FANCC: variants seen among roughly 807,000 people sequenced by gnomAD.
FANCC encodes FA complementation group C, also known as Fanconi anemia group C protein.
Under a neutral mutation model 71.3 loss-of-function variants are expected in FANCC, and 55 were observed. The observed-to-expected ratio is 0.77, with a 90% CI of 0.62 to 0.97. FANCC has a LOEUF of 0.97. Ranked by LOEUF, FANCC falls within the 50% of genes least tolerant of loss-of-function variation. FANCC has a pLI of 0.00. For missense variants in FANCC, 678 were observed against 670.9 expected, an observed-to-expected ratio of 1.01 and a Z score of -0.12; for synonymous variants, 275 against 244.9, an observed-to-expected ratio of 1.12 and a Z score of -1.15.
intron 3 of FANCC, among the ~76,000 whole-genome samples, chr9:95,246,636 A>C (rs1244411300): frequency 2.0e-5 from 3 of 152,222 alleles, no homozygotes; most frequent in Non-Finnish European, 4.4e-5. Context: ...CTGTCTTCCC[A>C]GGGCATCAGA....
rs557096594 is a variant in FANCC, at chr9:95,281,988, GA to G, written c.-78-32620del. On this transcript the variant is annotated intron_variant, in intron 1 of 14. Coordinates refer to ENST00000289081, the MANE Select transcript of FANCC (RefSeq NM_000136.3). Reference sequence around the variant, plus strand: ...ACTTAACCTCAAAGGAAGAAAGAAAGAAAAAAAGAATCTACAAAACTAGAAA... The same window carrying G: ...ACTTAACCTCAAAGGAAGAAAGAAAGAAAAAAGAATCTACAAAACTAGAAA... 6.8e-3 allele frequency among the ~76,000 whole-genome samples: 1,031 copies of G among 150,748 alleles called. 14 individuals carry two copies. The highest frequency in any genetic ancestry group is 0.022 in the African/African-American group (897 of 41,156).
intron 4 of FANCC, among the ~76,000 whole-genome samples, chr9:95,175,465 T>C (rs1825954448): frequency 2.0e-5 from 3 of 152,174 alleles, no homozygotes; most frequent in African/African-American, 2.4e-5. Flanking sequence ...TATTGTTTTT[T>C]CCCTCTTTCA....
intron 1 of FANCC, among the ~76,000 whole-genome samples, chr9:95,253,033 C>A (rs920670839): frequency 2.0e-5 from 3 of 152,092 alleles, no homozygotes; most frequent in Admixed American, 1.3e-4. Context: ...ACTCCACACT[C>A]CAGCCTGTGT....
chr9:95,188,198 C>A (rs1826852202), intron 4 of FANCC, among the ~76,000 whole-genome samples: 1 of 152,128 alleles, frequency 6.6e-6, no homozygotes, highest in Non-Finnish European at 1.5e-5. Flanking sequence ...TTATCACTGC[C>A]AATACTAAAC....
chr9:95,253,231 G>A lies in FANCC; in HGVS notation c.-78-3862C>T, dbSNP rs138238943. ...ATGGTGCTGTAGTTGTGATGACCAG[G>A]GAGTGTGGGTGATGGCTGCTGCCAG... On this transcript the variant is annotated intron_variant, in intron 1 of 14. Transcript: ENST00000289081. Among the ~76,000 whole-genome samples the A allele has an allele frequency of 7.6e-4, 115 of 152,248 alleles. 2 individuals carry two copies. The highest frequency in any genetic ancestry group is 2.7e-3 in the African/African-American group (111 of 41,544).
chr9:95,242,942 A>T (rs1214811388), intron 3 of FANCC, among the ~76,000 whole-genome samples: 2 of 152,244 alleles, frequency 1.3e-5, no homozygotes, highest in African/African-American at 2.4e-5. Flanking sequence ...CTGCAGGGAC[A>T]GTCACTGACA....
chr9:95,122,779 G>A (rs1005070528), intron 10 of FANCC, among the ~76,000 whole-genome samples: 8 of 152,194 alleles, frequency 5.3e-5, no homozygotes, highest in African/African-American at 1.9e-4. Context: ...TGTGCTCCGC[G>A]AGGCCACAGG....
At chr9:95,105,068 C>T (rs578175184) in intron 14 of FANCC, among the ~76,000 whole-genome samples, 1 of 152,344 alleles carries the variant, frequency 6.6e-6, no homozygotes, top group South Asian at 2.1e-4. Flanking sequence ...TGTGCTGGGG[C>T]CGGGCCCAAA....
intron 7 of FANCC, among the ~76,000 whole-genome samples, chr9:95,136,226 CA>C (rs202148154): frequency 6.6e-6 from 1 of 151,150 alleles, no homozygotes; most frequent in African/African-American, 2.4e-5. Context: ...CCTGCTTCTA[CA>C]AAAAAAAATT....
In FANCC at chr9:95,105,069, C is replaced by T. The variant is rs545354527; in HGVS notation, c.1533+1997G>A. Among the ~76,000 whole-genome samples the T allele has an allele frequency of 6.6e-5, 10 of 152,326 alleles. No homozygotes were observed. In the South Asian group the frequency reaches 1.9e-3, roughly 28 times the overall value. ...GAAAGCATTCTCGCTGTGCTGGGGC[C>T]GGGCCCAAAGAGGTGGCACCTGGCA... On this transcript the variant is annotated intron_variant, in intron 14 of 14. Transcript: ENST00000289081.
chr9:95,158,871 C>T (rs1830588332), intron 6 of FANCC, among the ~76,000 whole-genome samples: 1 of 152,136 alleles, frequency 6.6e-6, no homozygotes, highest in Non-Finnish European at 1.5e-5. Flanking sequence ...GACTCAAAGG[C>T]AAGACCTATG....
In FANCC at chr9:95,249,248, CA is replaced by C; in HGVS notation, c.43del (p.Trp15GlyfsTer31). The C allele has an allele frequency of 6.2e-7, 1 of 1,614,112 alleles. No individual in the cohort carries two copies. The highest frequency in any genetic ancestry group is 8.5e-7 in the Non-Finnish European group (1 of 1,180,012). On this transcript the variant is annotated frameshift_variant, in exon 2 of 15. Transcript: ENST00000289081. LOFTEE classifies it high-confidence loss of function. ...ATCCCATACAGAAAGCTTCTGCATC[CA>C]AAACTGATAATCACAAGAAAGATCT... ...SVDLSCDYQF[W>X]MQKLSVWDQA...
chr9:95,309,145 C>T lies in FANCC; in HGVS notation c.-79+8381G>A, dbSNP rs1390879110. Among the ~76,000 whole-genome samples the T allele has an allele frequency of 3.3e-5, 5 of 152,132 alleles. No homozygotes were observed. The South Asian group carries it at 1.0e-3, about 32-fold the overall frequency. ...AACTGGCTGCATAGTTTCAAAAAGT[C>T]ACCACTTATCAAAATACTTATCATC... On this transcript the variant is annotated intron_variant, in intron 1 of 14. Coordinates refer to ENST00000289081, the MANE Select transcript of FANCC (RefSeq NM_000136.3).
chr9:95,126,686 A>T, intron 8 of FANCC, 105 bp from the exon 9 acceptor site: 1 of 1,156,534 alleles, frequency 8.6e-7, no homozygotes, highest in Non-Finnish European at 1.3e-6. Context: ...ATGTCCAGAA[A>T]ACTGGCATAC....
At chr9:95,243,628 CA>C (rs61648861) in intron 3 of FANCC, among the ~76,000 whole-genome samples, 84 of 136,068 alleles carry the variant, frequency 6.2e-4, no homozygotes, top group Middle Eastern at 3.7e-3. Context: ...ACTAAAAATA[CA>C]AAAAAAAAAA....
At chr9:95,284,941 C>T (rs1218302855) in intron 1 of FANCC, among the ~76,000 whole-genome samples, 2 of 151,268 alleles carry the variant, frequency 1.3e-5, no homozygotes, top group African/African-American at 4.9e-5. Context: ...GAGAGACACG[C>T]ACACACACAG....
intron 4 of FANCC, among the ~76,000 whole-genome samples, chr9:95,232,412 TG>T (rs1830061605): frequency 6.6e-6 from 1 of 152,312 alleles, no homozygotes; most frequent in African/African-American, 2.4e-5. Flanking sequence ...TAACTGAGGC[TG>T]GGAAGAAGGA....
intron 4 of FANCC, among the ~76,000 whole-genome samples, chr9:95,207,630 C>CA (rs771458080): frequency 3.9e-5 from 6 of 152,160 alleles, no homozygotes; most frequent in Admixed American, 2.0e-4. Context: ...CGGGTGGCTC[C>CA]ACTACTCTGA....
In FANCC at chr9:95,245,452, A is replaced by G. The variant is rs530874419; in HGVS notation, c.250+1980T>C. Among the ~76,000 whole-genome samples, 5 of 152,128 alleles carry G rather than the reference A, an allele frequency of 3.3e-5. No homozygotes were observed. The South Asian group carries it at 8.3e-4, about 25-fold the overall frequency. ...TTAAATACAGTGTTTTCTCCTATAC[A>G]CATACCTATGATAAAGTTTAACTTA... On this transcript the variant is annotated intron_variant, in intron 3 of 14. Transcript: ENST00000289081.
Sources: gnomAD v4.1 joint callset for allele counts (sites outside exome capture counted in the v4.1 genomes callset) on GRCh38, gnomAD v4.1.1 for gene constraint, MANE v1.5 for transcripts, NCBI Gene and HGNC (gene_info 2026-07-23, HGNC 2026-07-21) for gene names.